Variants in ZNF827 observed in about 807,000 individuals in gnomAD.
ZNF827 encodes the protein zinc finger protein 827.
Under a neutral mutation model 102.4 loss-of-function variants are expected in ZNF827, and 13 were observed. The ratio of observed to expected loss-of-function variants is 0.13; its 90% CI spans 0.08 to 0.20. The LOEUF (loss-of-function observed/expected upper bound fraction) is 0.20, where lower values mean the gene tolerates loss of function less well. ZNF827 is among the 10% of genes least tolerant of loss of function. ZNF827 has a pLI of 1.00. For synonymous variants in ZNF827, 523 were observed against 536.2 expected, an observed-to-expected ratio of 0.98 and a Z score of 0.34; for missense variants, 1,103 against 1,344.4, an observed-to-expected ratio of 0.82 and a Z score of 2.81.
intron 8 of ZNF827, among the ~76,000 whole-genome samples, chr4:145,794,719 C>T (rs1190505541): frequency 2.6e-5 from 4 of 152,030 alleles, no homozygotes; most frequent in Non-Finnish European, 5.9e-5. Context: ...AAAAATAGCA[C>T]ATACATACCC....
chr4:145,882,845 A>C (rs920269742), intron 4 of ZNF827, among the ~76,000 whole-genome samples: 1 of 152,204 alleles, frequency 6.6e-6, no homozygotes, highest in Non-Finnish European at 1.5e-5. Context: ...ATTCAGTGCA[A>C]GAACAATGGC....
chr4:145,838,974 A>G (rs77204996), intron 7 of ZNF827, among the ~76,000 whole-genome samples: 5,583 of 152,288 alleles, frequency 0.037, 262 homozygotes, highest in East Asian at 0.16. Flanking sequence ...AAACAACTAC[A>G]TCTCAATTAT....
intron 8 of ZNF827, among the ~76,000 whole-genome samples, chr4:145,813,038 T>C (rs1742195227): frequency 1.3e-5 from 2 of 152,212 alleles, no homozygotes; most frequent in African/African-American, 4.8e-5. Context: ...CTGTCCTACC[T>C]GGGACGTGAG....
At chr4:145,826,684 A>G (rs1743715353) in intron 7 of ZNF827, among the ~76,000 whole-genome samples, 1 of 152,230 alleles carries the variant, frequency 6.6e-6, no homozygotes, top group African/African-American at 2.4e-5. Flanking sequence ...ATATGTATGC[A>G]TAGGAAAAAG....
chr4:145,849,405 T>G lies in ZNF827; in HGVS notation c.2138A>C (p.Glu713Ala). 1.2e-6 allele frequency: 2 copies of G among 1,614,184 alleles called. No homozygotes were observed. The highest frequency in any genetic ancestry group is 1.7e-6 in the Non-Finnish European group (2 of 1,180,038). ...EKTEPLQKMP[E>A]GRVPPERNLF... is the part of the protein sequence containing the mutation. ...GTTTCTCTCTGGGGGTACTCTGCCC[T>G]CTGGCATCTTCTGTAAGGGTTCGGT... Residue 713 changes from glutamate (E) to alanine (A), a missense_variant, in exon 6 of 15, where the codon GAG (glutamate) becomes GCG (alanine). Physicochemically the swap from Glu to Ala is moderately radical, Grantham distance 107. Around this residue, in one of 5 missense-constraint regions of ZNF827, gnomAD observed 243 missense variants for 251.6 expected, o/e 0.97. Transcript: ENST00000508784.
chr4:145,850,805 T>C (rs557540821), intron 5 of ZNF827, among the ~76,000 whole-genome samples: 4 of 152,220 alleles, frequency 2.6e-5, no homozygotes, highest in South Asian at 2.1e-4. Context: ...GACAGACAGA[T>C]AGAGTAGTGG....
chr4:145,893,021 G>A (rs1750725139), intron 2 of ZNF827, among the ~76,000 whole-genome samples: 2 of 152,300 alleles, frequency 1.3e-5, no homozygotes, highest in South Asian at 2.1e-4. Flanking sequence ...TTAGCCATCA[G>A]GGGGTCTTAA....
intron 8 of ZNF827, among the ~76,000 whole-genome samples, chr4:145,819,227 C>T (rs974119728): frequency 2.6e-5 from 4 of 151,996 alleles, no homozygotes; most frequent in Admixed American, 1.3e-4. Context: ...ACGGAAGCAT[C>T]GGGGACTCCA....
At chr4:145,789,348 G>A (rs1739339017) in intron 8 of ZNF827, among the ~76,000 whole-genome samples, 1 of 151,990 alleles carries the variant, frequency 6.6e-6, no homozygotes, top group East Asian at 1.9e-4. Context: ...TCCAATTTTG[G>A]CAGTTTATCT....
intron 5 of ZNF827, among the ~76,000 whole-genome samples, chr4:145,863,769 GA>G (rs1554001212): frequency 2.6e-5 from 4 of 152,162 alleles, no homozygotes; most frequent in Non-Finnish European, 5.9e-5. Context: ...TCATGGGCTC[GA>G]CATTTTTGGG....
intron 1 of ZNF827, among the ~76,000 whole-genome samples, chr4:145,936,678 G>A (rs1754197249): frequency 6.6e-6 from 1 of 152,176 alleles, no homozygotes; most frequent in East Asian, 1.9e-4. Flanking sequence ...GTTATTTCGC[G>A]AGGGGGAGAT....
Position 145,938,711 on chromosome 4 carries a change from A to T in ZNF827, c.-304T>A, listed in dbSNP as rs1754417548. 2.5e-6 allele frequency: 1 copy of T among 405,984 alleles called. No homozygotes were observed. The highest frequency in any genetic ancestry group is 4.5e-6 in the Non-Finnish European group (1 of 224,662). The allele number at this position is 405,984 out of a possible 1,614,324, so 25.1% of individuals were successfully genotyped here. ...AATGGAAACGGATCTAATAGGTGTG[A>T]GTGTGTGTGTGTCCTATGCTCGCGT... On this transcript the variant is annotated 5_prime_UTR_variant, in exon 1 of 15. Coordinates refer to ENST00000508784, the MANE Select transcript of ZNF827 (RefSeq NM_001306215.2).
intron 8 of ZNF827, among the ~76,000 whole-genome samples, chr4:145,795,224 T>A (rs988132799): frequency 4.6e-5 from 7 of 152,216 alleles, no homozygotes; most frequent in African/African-American, 1.7e-4. Context: ...CCTGGCTCAC[T>A]GCAATCTCTG....
chr4:145,933,793 A>AAC (rs1554014291), intron 1 of ZNF827, among the ~76,000 whole-genome samples: 1 of 151,500 alleles, frequency 6.6e-6, no homozygotes, highest in East Asian at 1.9e-4. Context: ...TGGTGAAAAA[A>AAC]AAAAAAACAA....
chr4:145,826,543 A>G (rs576709835), intron 7 of ZNF827, among the ~76,000 whole-genome samples: 1 of 152,352 alleles, frequency 6.6e-6, no homozygotes, highest in Non-Finnish European at 1.5e-5. Context: ...TGAGAGCGAG[A>G]CCACATTCAC....
chr4:145,777,552 G>C (rs922820322), intron 9 of ZNF827, among the ~76,000 whole-genome samples: 3 of 152,126 alleles, frequency 2.0e-5, no homozygotes, highest in African/African-American at 7.2e-5. Flanking sequence ...TGTCATCTAA[G>C]TGTTCAGCTT....
chr4:145,824,215 G>T (rs780699089), intron 7 of ZNF827, among the ~76,000 whole-genome samples: 12 of 152,108 alleles, frequency 7.9e-5, no homozygotes, highest in Non-Finnish European at 1.8e-4. Flanking sequence ...TCCTGCCAGG[G>T]TTCCCTCTAA....
intron 7 of ZNF827, chr4:145,830,873 T>G (rs1462911632): frequency 6.6e-6 from 1 of 152,244 alleles, no homozygotes; most frequent in Non-Finnish European, 1.5e-5. Flanking sequence ...CCTAGGACCA[T>G]GTGTGGTCTT....
intron 7 of ZNF827, chr4:145,832,002 C>T (rs1423100716): frequency 6.6e-6 from 1 of 152,256 alleles, no homozygotes; most frequent in Non-Finnish European, 1.5e-5. Context: ...ATGGCTCACT[C>T]CTGTAATCCC....
Sources: allele counts gnomAD v4.1 joint callset (sites outside exome capture counted in the v4.1 genomes callset), GRCh38; gene constraint gnomAD v4.1.1; regional missense constraint gnomAD v4.1.1; transcripts MANE v1.5; gene names NCBI Gene and HGNC (gene_info 2026-07-23, HGNC 2026-07-21).